ZCCHC7: variants seen among roughly 807,000 people sequenced by gnomAD.
ZCCHC7 encodes zinc finger CCHC domain-containing protein 7.
Under a neutral mutation model 52.0 loss-of-function variants are expected in ZCCHC7, and 35 were observed. The ratio of observed to expected loss-of-function variants is 0.67; its 90% CI spans 0.51 to 0.89. The LOEUF (loss-of-function observed/expected upper bound fraction) is 0.89. Among genes scored for constraint, ZCCHC7 ranks in the 40% least tolerant of loss-of-function variants. ZCCHC7 has a pLI of 0.00. For synonymous variants in ZCCHC7, 217 were observed against 221.5 expected, an observed-to-expected ratio of 0.98 and a Z score of 0.18; for missense variants, 574 against 649.1, an observed-to-expected ratio of 0.88 and a Z score of 1.26.
intron 2 of ZCCHC7, among the ~76,000 whole-genome samples, chr9:37,145,195 T>A (rs1208425635): frequency 6.6e-6 from 1 of 151,968 alleles, no homozygotes; most frequent in African/African-American, 2.4e-5. Context: ...GCAGTACTTT[T>A]AAATTCATTA....
At chr9:37,304,429 G>C in intron 4 of ZCCHC7, 116 bp downstream of exon 4, 4 of 1,218,636 alleles carry the variant, frequency 3.3e-6, no homozygotes, top group Non-Finnish European at 4.6e-6. Context: ...CGAGGCAGGT[G>C]GATCATGAGG....
At chr9:37,266,538 CTCTT>C (rs1239371706) in intron 2 of ZCCHC7, among the ~76,000 whole-genome samples, 1 of 151,934 alleles carries the variant, frequency 6.6e-6, no homozygotes, top group Non-Finnish European at 1.5e-5. Flanking sequence ...TTTTAATTGT[CTCTT>C]TATGATGCTA....
intron 2 of ZCCHC7, among the ~76,000 whole-genome samples, chr9:37,155,184 C>A (rs1385739395): frequency 2.6e-5 from 4 of 152,042 alleles, no homozygotes; most frequent in African/African-American, 9.7e-5. Context: ...CACAGTGAAA[C>A]CCTGTCTCTA....
chr9:37,174,006 T>C (rs1326770312), intron 2 of ZCCHC7, among the ~76,000 whole-genome samples: 1 of 152,204 alleles, frequency 6.6e-6, no homozygotes, highest in Admixed American at 6.5e-5. Context: ...CTTTGTAGAA[T>C]TATTACAAAA....
chr9:37,209,934 A>G (rs1824123401), intron 2 of ZCCHC7, among the ~76,000 whole-genome samples: 1 of 152,186 alleles, frequency 6.6e-6, no homozygotes, highest in Non-Finnish European at 1.5e-5. Flanking sequence ...TCCACCAAGG[A>G]CAGTTTTTTT....
chr9:37,168,451 T>TTA (rs773254785), intron 2 of ZCCHC7, among the ~76,000 whole-genome samples: 2 of 152,168 alleles, frequency 1.3e-5, no homozygotes, highest in Non-Finnish European at 2.9e-5. Context: ...GTTTATGTAT[T>TTA]TATATGTCAA....
At position 37,258,757 on chromosome 9, in the gene ZCCHC7, TAAAAA is replaced by T. The variant is rs5897683; in HGVS notation, c.611-43407_611-43403del. On this transcript the variant is annotated intron_variant, in intron 2 of 8. Transcript: ENST00000336755. Reference sequence around the variant, plus strand: ...GGTGAGAGAGCGAGATCCTGTCTCTTAAAAAAAAAAAAAAAAAAAAAAAAAAAAGT... The same window carrying T: ...GGTGAGAGAGCGAGATCCTGTCTCTTAAAAAAAAAAAAAAAAAAAAAAAGT... Among the ~76,000 whole-genome samples, 17 of 55,366 alleles carry T rather than the reference TAAAAA, an allele frequency of 3.1e-4. No homozygotes were observed. In the South Asian group the frequency reaches 7.0e-3, roughly 23 times the overall value. The allele number at this position is 55,366 out of a possible 152,430, so 36.3% of individuals were successfully genotyped here. A position where few individuals can be genotyped will look rare whatever the true frequency, so the allele number is the denominator to read the frequency against.
At chr9:37,268,405 G>GA (rs1306069820) in intron 2 of ZCCHC7, among the ~76,000 whole-genome samples, 2,704 of 136,086 alleles carry the variant, frequency 0.02, 78 homozygotes, top group African/African-American at 0.066. Context: ...TGTCCTCACA[G>GA]AAAAAAAAAA....
Position 37,349,433 on chromosome 9 carries a change from A to C in ZCCHC7, c.1064A>C (p.Gln355Pro). 6.2e-7 allele frequency: 1 copy of C among 1,613,918 alleles called. No individual in the cohort carries two copies. Among genetic ancestry groups the C allele is most frequent in the Non-Finnish European group, 8.5e-7 (1 of 1,179,826 alleles). Residue 355 changes from glutamine to proline, a missense_variant, in exon 7 of 9, where the codon CAA (glutamine) becomes CCA (proline). Physicochemically the swap from Gln to Pro is moderately conservative, Grantham distance 76 (BLOSUM62 -1). Around this residue, in one of 3 missense-constraint regions of ZCCHC7, gnomAD observed 403 missense variants for 461.2 expected, o/e 0.87. Transcript: ENST00000336755. ...SALAYCYHCAQKGHYGHECPE... is the reference protein window; with the variant it reads ...SALAYCYHCAPKGHYGHECPE... ...TTAGCATATTGCTATCACTGCGCGC[A>C]AAAAGGCCATTATGGACACGTAAGT...
At chr9:37,328,625 TAA>T (rs894334491) in intron 6 of ZCCHC7, among the ~76,000 whole-genome samples, 4 of 152,052 alleles carry the variant, frequency 2.6e-5, no homozygotes, top group Admixed American at 2.0e-4. Context: ...TAAAAGTTGT[TAA>T]ACATTGTTTC....
intron 2 of ZCCHC7, among the ~76,000 whole-genome samples, chr9:37,269,857 GT>G (rs897010691): frequency 3.9e-5 from 6 of 152,230 alleles, no homozygotes; most frequent in African/African-American, 1.2e-4. Context: ...GAAGGGACCA[GT>G]TTTAGGAAGT....
chr9:37,277,469 C>A (rs994693546), intron 2 of ZCCHC7, among the ~76,000 whole-genome samples: 1 of 151,902 alleles, frequency 6.6e-6, no homozygotes, highest in Non-Finnish European at 1.5e-5. Flanking sequence ...TAGTGAGACC[C>A]CCCCATCTCT....
At chr9:37,336,376 A>T (rs557570690) in intron 6 of ZCCHC7, among the ~76,000 whole-genome samples, 2 of 152,298 alleles carry the variant, frequency 1.3e-5, no homozygotes, top group South Asian at 2.1e-4. Context: ...GATGGAACAT[A>T]TTGTAAAAGC....
At chr9:37,340,476 A>G (rs1261854202) in intron 6 of ZCCHC7, among the ~76,000 whole-genome samples, 1 of 152,052 alleles carries the variant, frequency 6.6e-6, no homozygotes, top group Non-Finnish European at 1.5e-5. Context: ...GTTGGGTCAA[A>G]GTCTTTAGAT....
At chr9:37,195,867 G>A (rs1823262431) in intron 2 of ZCCHC7, among the ~76,000 whole-genome samples, 1 of 152,158 alleles carries the variant, frequency 6.6e-6, no homozygotes, top group South Asian at 2.1e-4. Context: ...TTTGAAATTA[G>A]AGTCACCACG....
At chr9:37,185,179 A>G (rs550511892) in intron 2 of ZCCHC7, among the ~76,000 whole-genome samples, 69 of 152,280 alleles carry the variant, frequency 4.5e-4, no homozygotes, top group African/African-American at 7.9e-4. Flanking sequence ...ATCTACAAGT[A>G]GTCATGGTTT....
chr9:37,129,869 A>G (rs1368022734), intron 2 of ZCCHC7, among the ~76,000 whole-genome samples: 1 of 152,222 alleles, frequency 6.6e-6, no homozygotes, highest in Admixed American at 6.5e-5. Flanking sequence ...TAAATCATCA[A>G]ACATTTATTG....
At chr9:37,173,438 C>G (rs78866860) in intron 2 of ZCCHC7, among the ~76,000 whole-genome samples, 3 of 152,124 alleles carry the variant, frequency 2.0e-5, no homozygotes, top group African/African-American at 7.2e-5. Flanking sequence ...ACAGAACAGA[C>G]AAAATAAGGA....
chr9:37,169,919 AGGG>A (rs1821636556), intron 2 of ZCCHC7, among the ~76,000 whole-genome samples: 1 of 152,036 alleles, frequency 6.6e-6, no homozygotes. Context: ...TACAAAAGAT[AGGG>A]CTTGGTGGCA....
Sources: allele counts gnomAD v4.1 joint callset (sites outside exome capture counted in the v4.1 genomes callset), GRCh38; gene constraint gnomAD v4.1.1; regional missense constraint gnomAD v4.1.1; transcripts MANE v1.5; gene names NCBI Gene and HGNC (gene_info 2026-07-23, HGNC 2026-07-21).